HK1: variants seen among roughly 807,000 people sequenced by gnomAD.
HK1 encodes the protein hexokinase 1.
Under a neutral mutation model 91.6 loss-of-function variants are expected in HK1, and 28 were observed. The ratio of observed to expected loss-of-function variants is 0.31; its 90% CI spans 0.23 to 0.42. HK1 has a LOEUF of 0.42. Among genes scored for constraint, HK1 ranks in the 10% least tolerant of loss-of-function variants. The pLI is 1.00. For synonymous variants in HK1, 430 were observed against 468.1 expected (o/e 0.92, Z 1.05); for missense variants, 770 against 1,219.8 (o/e 0.63, Z 5.49).
At chr10:69,323,284 C>T (rs1464195637) in intron 1 of HK1, among the ~76,000 whole-genome samples, 1 of 150,702 alleles carries the variant, frequency 6.6e-6, no homozygotes, top group Non-Finnish European at 1.5e-5. Flanking sequence ...TCTGTGGGTT[C>T]TTGCAGTGGC....
chr10:69,401,132 C>T lies in HK1; in HGVS notation c.2751C>T (p.Ser917=). The change falls in exon 18 of 18, where the codon AGC becomes AGT. Residue 917 remains serine (S), a synonymous_variant. Transcript: ENST00000359426. The part of the protein sequence containing the change: ...VGVRLRTEAS[S] ...TGCGGTTACGCACAGAGGCAAGCAGCTAAGAGTCCGGGATCCCCAGCCTAC... is the reference window on the plus strand; with the variant it reads ...TGCGGTTACGCACAGAGGCAAGCAGTTAAGAGTCCGGGATCCCCAGCCTAC... 1 of 1,613,588 alleles carries T rather than the reference C, an allele frequency of 6.2e-7. No individual in the cohort carries two copies. The highest frequency in any genetic ancestry group is 8.5e-7 in the Non-Finnish European group (1 of 1,179,934).
intron 3 of HK1, among the ~76,000 whole-genome samples, chr10:69,292,952 A>C (rs1265127022): frequency 2.0e-5 from 3 of 152,146 alleles, no homozygotes; most frequent in Non-Finnish European, 4.4e-5. Flanking sequence ...GACCCACCCT[A>C]TCCCCTGCTA....
chr10:69,320,970 T>G (rs1846987235), intron 1 of HK1, among the ~76,000 whole-genome samples: 1 of 152,142 alleles, frequency 6.6e-6, no homozygotes, highest in South Asian at 2.1e-4. Context: ...CTTCCATCCC[T>G]CCTCACTCCG....
intron 13 of HK1, chr10:69,386,642 C>T (rs899605282): frequency 1.7e-4 from 66 of 397,786 alleles, no homozygotes; most frequent in East Asian, 1.2e-4. Flanking sequence ...ATTAGCCAGG[C>T]GTGGTGGTGC....
At chr10:69,393,461 T>A (rs1310789940) in intron 15 of HK1, among the ~76,000 whole-genome samples, 1 of 152,034 alleles carries the variant, frequency 6.6e-6, no homozygotes, top group African/African-American at 2.4e-5. Flanking sequence ...CACGCCCAGC[T>A]AGTTTTTGTA....
At chr10:69,355,677 A>G (rs1480875417) in intron 2 of HK1, among the ~76,000 whole-genome samples, 1 of 152,162 alleles carries the variant, frequency 6.6e-6, no homozygotes, top group Non-Finnish European at 1.5e-5. Flanking sequence ...CTGTAATCCT[A>G]GCTACTTGGG....
At chr10:69,321,954 T>C (rs1417659163) in intron 1 of HK1, among the ~76,000 whole-genome samples, 1 of 152,242 alleles carries the variant, frequency 6.6e-6, no homozygotes, top group Non-Finnish European at 1.5e-5. Flanking sequence ...TTGTGAAGGA[T>C]TCCATTCATC....
chr10:69,398,553 G>A (rs1840242656), intron 16 of HK1, 42 bp from the exon 17 acceptor site: 4 of 1,524,572 alleles, frequency 2.6e-6, no homozygotes, highest in Non-Finnish European at 3.6e-6. Context: ...CTGCTCTTGT[G>A]GGTCCTGCTT....
At position 69,369,125 on chromosome 10, in the gene HK1, T is replaced by C; in HGVS notation, c.592-112T>C. The C allele has an allele frequency of 1.3e-6, 1 of 773,056 alleles. No homozygotes were observed. The highest frequency in any genetic ancestry group is 2.0e-5 in the Admixed American group (1 of 50,534). 47.9% of individuals were successfully genotyped at this position (773,056 alleles called of 1,614,324 possible). On this transcript the variant is annotated intron_variant, in intron 5 of 17. Transcript: ENST00000359426. The surrounding 1 kb of genome is among the most constrained non-coding windows in gnomAD (Gnocchi z 4.4). ...CCAGCTGTAATGAAACCAGTACCAC[T>C]CACAAAAGCAGGGGTTCTGAAAACG... is the stretch of plus-strand genomic sequence containing the variant.
rs1042875408 is a variant in HK1, at chr10:69,373,007, T to C, written c.875+3383T>C. Among the ~76,000 whole-genome samples the C allele has an allele frequency of 2.0e-5, 3 of 152,138 alleles. No individual in the cohort carries two copies. In the South Asian group the frequency reaches 6.2e-4, roughly 32 times the overall value. On this transcript the variant is annotated intron_variant, in intron 7 of 17. Coordinates refer to ENST00000359426, the MANE Select transcript of HK1 (RefSeq NM_000188.3). ...GCCTCAGCCTACCAAGTAGCTGGGA[T>C]TACAGGCGTCTGCTGCCACGCCCAG...
chr10:69,347,221 A>G (rs7911813), intron 2 of HK1, among the ~76,000 whole-genome samples: 2,629 of 151,616 alleles, frequency 0.017, 81 homozygotes, highest in African/African-American at 0.061. Flanking sequence ...ATGTTGGCCA[A>G]GCTGGTCTCG....
intron 1 of HK1, among the ~76,000 whole-genome samples, chr10:69,333,196 G>C (rs1160842716): frequency 1.3e-5 from 2 of 152,262 alleles, no homozygotes; most frequent in Non-Finnish European, 2.9e-5. Context: ...GCCGAGGCCT[G>C]AGGTCTTTCG....
At position 69,380,026 on chromosome 10, in the gene HK1, A is replaced by G. The variant is rs1839309730; in HGVS notation, c.1196A>G (p.Asp399Gly). The G allele has an allele frequency of 3.1e-6, 5 of 1,614,160 alleles. No homozygotes were observed. The East Asian group carries it at 1.1e-4, about 36-fold the overall frequency. ...TLGAILNRLR[D>G]NKGTPRLRTT... ...GGCGCCATCTTGAACCGCCTGCGTG[A>G]TAACAAGGGCACACCCAGGCTGCGG... is the stretch of plus-strand genomic sequence containing the variant. Residue 399 changes from aspartate (D) to glycine (G), a missense_variant, in exon 9 of 18, where the codon GAT becomes GGT. Asp to Gly is a moderately conservative substitution (Grantham distance 94, BLOSUM62 -1). This residue lies in a region of HK1 where 449 missense variants were observed against 665.1 expected (regional missense o/e 0.68). Coordinates refer to ENST00000359426, the MANE Select transcript of HK1 (RefSeq NM_000188.3). The surrounding 1 kb of genome is among the most constrained non-coding windows in gnomAD (Gnocchi z 4.0).
Position 69,392,219 on chromosome 10 carries a change from G to A in HK1, c.2130G>A (p.Gly710=), listed in dbSNP as rs1839926162. 1.2e-6 allele frequency: 2 copies of A among 1,614,164 alleles called. No individual in the cohort carries two copies. Among genetic ancestry groups the A allele is most frequent in the Non-Finnish European group, 1.7e-6 (2 of 1,180,034 alleles). ...AGATGTGCATCAACATGGAGTGGGG[G>A]GCCTTTGGGGACAACGGGTGTCTGG... The part of the protein sequence containing the change: ...QGQMCINMEW[G]AFGDNGCLDD... The change falls in exon 15 of 18, where the codon GGG becomes GGA. Residue 710 remains glycine (G), a synonymous_variant. Transcript: ENST00000359426.
chr10:69,310,014 C>T (rs1846291210), intron 5 of HK1, among the ~76,000 whole-genome samples: 1 of 147,352 alleles, frequency 6.8e-6, no homozygotes, highest in Non-Finnish European at 1.5e-5. Context: ...CACGCTACTG[C>T]ACTCCAGCCT....
intron 1 of HK1, among the ~76,000 whole-genome samples, chr10:69,272,288 T>A (rs1397525956): frequency 1.3e-5 from 2 of 152,204 alleles, no homozygotes; most frequent in African/African-American, 4.8e-5. Flanking sequence ...GAAATTAATT[T>A]GTATTTTTTT....
chr10:69,321,126 A>C (rs1164338015), intron 1 of HK1, among the ~76,000 whole-genome samples: 1 of 152,140 alleles, frequency 6.6e-6, no homozygotes, highest in Non-Finnish European at 1.5e-5. Flanking sequence ...CGGACTTCCT[A>C]TGCTGCTTTC....
chr10:69,305,888 A>AAAGC (rs111756516), intron 5 of HK1, among the ~76,000 whole-genome samples: 2 of 149,786 alleles, frequency 1.3e-5, no homozygotes, highest in East Asian at 2.0e-4. Context: ...AAAACAACAA[A>AAAGC]AAAAAATAAG....
chr10:69,393,438 A>T (rs991472314), intron 15 of HK1, among the ~76,000 whole-genome samples: 2 of 152,046 alleles, frequency 1.3e-5, no homozygotes, highest in African/African-American at 4.8e-5. Context: ...CTGGGATTAC[A>T]GGTGCACGGC....
Sources: gnomAD v4.1 joint callset for allele counts (sites outside exome capture counted in the v4.1 genomes callset) on GRCh38, gnomAD v4.1.1 for gene constraint, gnomAD v4.1.1 regional missense constraint, Gnocchi (gnomAD v3.1) non-coding constraint, MANE v1.5 for transcripts, NCBI Gene and HGNC (gene_info 2026-07-23, HGNC 2026-07-21) for gene names.